Variants in NOX4 observed in about 807,000 individuals in gnomAD.
NOX4 encodes the protein NADPH oxidase 4.
In NOX4, 69 loss-of-function variants were observed where a neutral mutation model predicts 87.6. The ratio of observed to expected loss-of-function variants is 0.79; its 90% CI spans 0.65 to 0.96. The LOEUF is 0.96. Among genes scored for constraint, NOX4 ranks in the 40% least tolerant of loss-of-function variants. NOX4 has a pLI of 0.00. For missense variants in NOX4, 680 were observed against 681.5 expected (o/e 1.00, Z 0.02); for synonymous variants, 275 against 238.2 (o/e 1.15, Z -1.42).
chr11:89,537,644 G>C, the NOX4 span, among the ~76,000 whole-genome samples: 2 of 151,880 alleles, frequency 1.3e-5, no homozygotes, highest in African/African-American at 2.4e-5. Flanking sequence ...CTTATTTTTA[G>C]ATCTAGTAAT....
At chr11:89,447,397 G>C (rs1376012887) in intron 4 of NOX4, among the ~76,000 whole-genome samples, 1 of 151,886 alleles carries the variant, frequency 6.6e-6, no homozygotes, top group East Asian at 1.9e-4. Flanking sequence ...ACATAATTAA[G>C]GGATATATTC....
At chr11:89,407,960 T>G (rs1942276752) in intron 8 of NOX4, among the ~76,000 whole-genome samples, 1 of 146,236 alleles carries the variant, frequency 6.8e-6, no homozygotes, top group Non-Finnish European at 1.5e-5. Context: ...AGGAACCTAC[T>G]TTTTTTCCTA....
chr11:89,386,190 C>G (rs1328206182), intron 11 of NOX4, among the ~76,000 whole-genome samples: 3 of 152,138 alleles, frequency 2.0e-5, no homozygotes, highest in African/African-American at 7.2e-5. Context: ...TGTATGGATG[C>G]TCCTTTTTAT....
chr11:89,338,660 A>T (rs548291120), intron 15 of NOX4, among the ~76,000 whole-genome samples: 1 of 152,090 alleles, frequency 6.6e-6, no homozygotes, highest in South Asian at 2.1e-4. Context: ...ATCCACACAG[A>T]TCTCCTTTCT....
the NOX4 span, among the ~76,000 whole-genome samples, chr11:89,505,725 G>C: frequency 4.0e-5 from 6 of 151,828 alleles, no homozygotes; most frequent in Admixed American, 4.0e-4. Context: ...AAAGAAACTT[G>C]ACTGATATCA....
intron 2 of NOX4, among the ~76,000 whole-genome samples, chr11:89,456,444 T>G (rs1462681800): frequency 6.6e-6 from 1 of 151,990 alleles, no homozygotes; most frequent in African/African-American, 2.4e-5. Flanking sequence ...AGGAGGAACA[T>G]CTCACACTGA....
rs1197210861 is a variant in NOX4, at chr11:89,413,125, A to G, written c.629+8777T>C. ...AAATGCAAAGTAAAACTACAATGCG[A>G]TATTATCTCACCACAGTTAAAATGG... On this transcript the variant is annotated intron_variant, in intron 8 of 17. Transcript: ENST00000263317. 2.0e-5 allele frequency among the ~76,000 whole-genome samples: 3 copies of G among 152,324 alleles called. No individual in the cohort carries two copies. The East Asian group carries it at 5.8e-4, about 29-fold the overall frequency.
the NOX4 span, among the ~76,000 whole-genome samples, chr11:89,578,680 T>A: frequency 3.3e-5 from 5 of 152,166 alleles, no homozygotes; most frequent in Non-Finnish European, 5.9e-5. Context: ...TCAATTAATG[T>A]TGAATTCAAA....
At chr11:89,354,130 G>A (rs1179718131) in intron 13 of NOX4, among the ~76,000 whole-genome samples, 1 of 152,094 alleles carries the variant, frequency 6.6e-6, no homozygotes, top group Non-Finnish European at 1.5e-5. Context: ...AAAGAATTTG[G>A]CATAGTGATT....
the NOX4 span, among the ~76,000 whole-genome samples, chr11:89,570,932 C>A: frequency 6.6e-6 from 1 of 152,212 alleles, no homozygotes; most frequent in Non-Finnish European, 1.5e-5. Flanking sequence ...TCTTGACCTC[C>A]AAAACCATAG....
At chr11:89,474,624 GAAT>G (rs1049424808) in intron 2 of NOX4, among the ~76,000 whole-genome samples, 1 of 151,894 alleles carries the variant, frequency 6.6e-6, no homozygotes, top group African/African-American at 2.4e-5. Flanking sequence ...CCAGATTACT[GAAT>G]AATATGCACA....
chr11:89,336,763 G>A (rs1263237875), intron 16 of NOX4, among the ~76,000 whole-genome samples: 1 of 151,918 alleles, frequency 6.6e-6, no homozygotes, highest in Non-Finnish European at 1.5e-5. Context: ...TACCAAGTAG[G>A]GTAGAAATAC....
intron 12 of NOX4, among the ~76,000 whole-genome samples, chr11:89,364,799 T>A (rs1938819512): frequency 6.6e-6 from 1 of 152,084 alleles, no homozygotes; most frequent in Non-Finnish European, 1.5e-5. Flanking sequence ...TTCAAAATAA[T>A]TATACCACTT....
intron 16 of NOX4, 69 bp downstream of exon 16, chr11:89,337,378 C>T (rs1000249617): frequency 1.1e-5 from 18 of 1,593,312 alleles, no homozygotes; most frequent in South Asian, 2.2e-5. Flanking sequence ...AATTTTCTTC[C>T]ACCACAGCTC....
intron 2 of NOX4, among the ~76,000 whole-genome samples, chr11:89,469,952 C>T (rs1205625591): frequency 6.6e-6 from 1 of 151,958 alleles, no homozygotes; most frequent in Admixed American, 6.6e-5. Flanking sequence ...AGGATCAGCA[C>T]TCATTGATTT....
At position 89,490,533 on chromosome 11, in the gene NOX4, A is replaced by T. The variant is rs1329489351; in HGVS notation, c.78T>A (p.Asn26Lys). The change falls in exon 2 of 18, where the codon AAT becomes AAA. Residue 26 changes from asparagine (N) to lysine (K), a missense_variant. Coordinates refer to ENST00000263317, the MANE Select transcript of NOX4 (RefSeq NM_016931.5). Reference sequence around the variant, plus strand: ...AGAAGGTTTTCCAGAAAAGCAGGACATTCATGGAGAGCCAGATGAACTAAA... The same window carrying T: ...AGAAGGTTTTCCAGAAAAGCAGGACTTTCATGGAGAGCCAGATGAACTAAA... ...HLCLFIWLSMNVLLFWKTFLL... is the reference protein window; with the variant it reads ...HLCLFIWLSMKVLLFWKTFLL... 1 of 1,614,000 alleles carries T rather than the reference A, an allele frequency of 6.2e-7. No individual in the cohort carries two copies. Among genetic ancestry groups the T allele is most frequent in the Non-Finnish European group, 8.5e-7 (1 of 1,179,888 alleles).
At position 89,478,894 on chromosome 11, in the gene NOX4, G is replaced by A. The variant is rs114125429; in HGVS notation, c.153+11564C>T. ...CAGTCCAAGCCCATCTGCAACCCCAGAGAATAATCACTTGAGCCAAGGAGT... is the reference window on the plus strand; with the variant it reads ...CAGTCCAAGCCCATCTGCAACCCCAAAGAATAATCACTTGAGCCAAGGAGT... On this transcript the variant is annotated intron_variant, in intron 2 of 17. Transcript: ENST00000263317. Among the ~76,000 whole-genome samples the A allele has an allele frequency of 6.0e-3, 911 of 151,992 alleles. 8 individuals are homozygous for A. Among genetic ancestry groups the A allele is most frequent in the African/African-American group, 0.021 (867 of 41,478 alleles).
intron 11 of NOX4, among the ~76,000 whole-genome samples, chr11:89,394,585 G>T (rs1172609777): frequency 1.3e-5 from 2 of 152,068 alleles, no homozygotes; most frequent in Non-Finnish European, 2.9e-5. Context: ...CATGTGCCAC[G>T]TTGGTTTGCT....
the NOX4 span, among the ~76,000 whole-genome samples, chr11:89,537,157 T>C: frequency 6.6e-6 from 1 of 152,172 alleles, no homozygotes; most frequent in African/African-American, 2.4e-5. Context: ...TTTAAAAATA[T>C]AAAGACAGAA....
Sources: gnomAD v4.1 joint callset for allele counts (sites outside exome capture counted in the v4.1 genomes callset) on GRCh38, gnomAD v4.1.1 for gene constraint, MANE v1.5 for transcripts, NCBI Gene and HGNC (gene_info 2026-07-23, HGNC 2026-07-21) for gene names.